The following ACBD3 variants were observed in gnomAD, a reference collection of about 807,000 sequenced individuals.
ACBD3 encodes Golgi resident protein GCP60.
A neutral mutation model predicts 66.9 loss-of-function variants in ACBD3; 30 were observed. That is an observed-to-expected ratio of 0.45 (90% CI 0.34 to 0.61). ACBD3 has a LOEUF of 0.61. ACBD3 is among the 20% of genes least tolerant of loss of function. The probability of loss-of-function intolerance (pLI) is 0.02; values close to 1 mark genes in which losing one functional copy is unlikely to be tolerated. For synonymous variants in ACBD3, 278 were observed against 259.8 expected (o/e 1.07, Z -0.68); for missense variants, 544 against 664.5 (o/e 0.82, Z 1.99).
At chr1:226,169,561 T>G in intron 1 of ACBD3, among the ~76,000 whole-genome samples, 1 of 98,258 alleles carries the variant, frequency 1.0e-5, no homozygotes, top group East Asian at 2.5e-4. Context: ...CCTGGCTATT[T>G]TTTTTTTTTT....
Position 226,164,936 on chromosome 1 carries a change from G to C in ACBD3, c.429-7C>G. The C allele has an allele frequency of 6.5e-7, 1 of 1,530,080 alleles. No homozygotes were observed. 94.8% of individuals were successfully genotyped at this position (1,530,080 alleles called of 1,614,324 possible). A position where few individuals can be genotyped will look rare whatever the true frequency, so the allele number is the denominator to read the frequency against. ...CAGGGCTGCCCATTCTCTCCTGTAA[G>C]GAATAACAAGAAAAGTTACCTCCCC... On this transcript the variant is annotated splice_region_variant and splice_polypyrimidine_tract_variant and intron_variant, in intron 2 of 7. Transcript: ENST00000366812.
intron 1 of ACBD3, among the ~76,000 whole-genome samples, chr1:226,172,977 C>G (rs935376526): frequency 6.6e-6 from 1 of 151,500 alleles, no homozygotes; most frequent in Non-Finnish European, 1.5e-5. Context: ...AACAAACAAA[C>G]AAACCCAGCT....
At position 226,152,511 on chromosome 1, in the gene ACBD3, C is replaced by T; in HGVS notation, c.1199G>A (p.Gly400Glu). Residue 400 changes from glycine to glutamate, a missense_variant, in exon 7 of 8, where the codon GGA (glycine) becomes GAA (glutamate). Transcript: ENST00000366812. ...GGGTACTCGAACAGTGACCACTTCT[C>T]CTCGGCCCACTGTAATCACGGAATC... ...DADSVITVGRGEVVTVRVPTH... is the reference protein window; with the variant it reads ...DADSVITVGREEVVTVRVPTH... 6.2e-7 allele frequency: 1 copy of T among 1,614,210 alleles called. No homozygotes were observed. The highest frequency in any genetic ancestry group is 8.5e-7 in the Non-Finnish European group (1 of 1,180,026).
rs1312825376 is a variant in ACBD3 at position 226,149,549 on chromosome 1, T to A, written c.1376-2728A>T. 2.4e-5 allele frequency among the ~76,000 whole-genome samples: 3 copies of A among 123,222 alleles called. 1 individual carries two copies. Among genetic ancestry groups the A allele is most frequent in the Non-Finnish European group, 5.1e-5 (3 of 58,986 alleles). The allele number at this position is 123,222 out of a possible 152,430, so 80.8% of individuals were successfully genotyped here. ...GCCATCTTTTTTTTTTTTTTTTTTTTTTTTTTTTTGAGATGGGGTCTGGCT... is the reference window on the plus strand; with the variant it reads ...GCCATCTTTTTTTTTTTTTTTTTTTATTTTTTTTTGAGATGGGGTCTGGCT... On this transcript the variant is annotated intron_variant, in intron 7 of 7. Transcript: ENST00000366812.
intron 3 of ACBD3, 56 bp downstream of exon 3, chr1:226,164,733 A>C: frequency 6.7e-7 from 1 of 1,499,576 alleles, no homozygotes; most frequent in Non-Finnish European, 8.9e-7. Flanking sequence ...ACAAAACAAA[A>C]GCATCAGTAC....
chr1:226,157,565 G>T (rs140797808), intron 5 of ACBD3, among the ~76,000 whole-genome samples: 6 of 151,888 alleles, frequency 4.0e-5, no homozygotes, highest in African/African-American at 1.4e-4. Context: ...CTCGAGACAG[G>T]GTCTCACTCT....
intron 1 of ACBD3, among the ~76,000 whole-genome samples, chr1:226,181,493 G>C (rs1173534640): frequency 6.6e-6 from 1 of 152,132 alleles, no homozygotes; most frequent in Non-Finnish European, 1.5e-5. Flanking sequence ...ATAATCAATA[G>C]CAATGCTAGT....
chr1:226,149,922 T>G (rs1360965848), intron 7 of ACBD3, among the ~76,000 whole-genome samples: 1 of 152,098 alleles, frequency 6.6e-6, no homozygotes. Flanking sequence ...CAGTCTGACT[T>G]TAATGAGTCC....
At position 226,161,146 on chromosome 1, in the gene ACBD3, C is replaced by CTTTTTTTTTTT. The variant is rs369852670; in HGVS notation, c.728+374_728+384dup. Reference sequence around the variant, plus strand: ...AACCCCCAAACCTTCTAATACATTCCTTTTTTTTTTTGAGACGGAGTTTCA... The same window carrying CTTTTTTTTTTT: ...AACCCCCAAACCTTCTAATACATTCCTTTTTTTTTTTTTTTTTTTTTTGAGACGGAGTTTCA... On this transcript the variant is annotated intron_variant, in intron 4 of 7. Coordinates refer to ENST00000366812, the MANE Select transcript of ACBD3 (RefSeq NM_022735.4). Among the ~76,000 whole-genome samples the CTTTTTTTTTTT allele has an allele frequency of 2.2e-4, 29 of 134,268 alleles. 2 individuals carry two copies. The highest frequency in any genetic ancestry group is 8.6e-4 in the East Asian group (4 of 4,674). 88.1% of individuals were successfully genotyped at this position (134,268 alleles called of 152,430 possible).
At chr1:226,175,763 C>G (rs1382517215) in intron 1 of ACBD3, among the ~76,000 whole-genome samples, 1 of 151,938 alleles carries the variant, frequency 6.6e-6, no homozygotes, top group Non-Finnish European at 1.5e-5. Flanking sequence ...GGAAAAACAC[C>G]AGAAAACAGG....
intron 2 of ACBD3, 62 bp from the exon 3 acceptor site, chr1:226,164,991 A>G (rs1256140472): frequency 3.5e-6 from 5 of 1,433,322 alleles, no homozygotes; most frequent in Non-Finnish European, 4.6e-6. Flanking sequence ...TTTTAAATTT[A>G]AACCTAAATA....
intron 5 of ACBD3, 54 bp from the exon 6 acceptor site, chr1:226,154,887 A>C: frequency 1.3e-6 from 2 of 1,502,350 alleles, no homozygotes; most frequent in Non-Finnish European, 1.8e-6. Context: ...AGCAAATAAG[A>C]CATCTGCCCT....
intron 1 of ACBD3, among the ~76,000 whole-genome samples, chr1:226,176,145 C>T (rs1289534856): frequency 6.6e-6 from 1 of 152,188 alleles, no homozygotes; most frequent in East Asian, 1.9e-4. Flanking sequence ...CAAAAGCTTG[C>T]GGCTGGGCGT....
intron 1 of ACBD3, among the ~76,000 whole-genome samples, chr1:226,169,857 A>T (rs946302059): frequency 1.3e-5 from 2 of 151,706 alleles, no homozygotes; most frequent in Non-Finnish European, 2.9e-5. Context: ...CCCTCTCTCT[A>T]CTAAAAATAC....
intron 1 of ACBD3, among the ~76,000 whole-genome samples, chr1:226,183,520 G>A (rs761450680): frequency 2.0e-5 from 3 of 152,000 alleles, no homozygotes; most frequent in Non-Finnish European, 4.4e-5. Context: ...TGAGATACTG[G>A]TATAAAACCA....
chr1:226,186,032 A>T (rs766796443), intron 1 of ACBD3, among the ~76,000 whole-genome samples: 23 of 152,338 alleles, frequency 1.5e-4, no homozygotes, highest in Middle Eastern at 3.4e-3. Context: ...TCAGTTAAAA[A>T]AATAATAATA....
At position 226,168,890 on chromosome 1, in the gene ACBD3, G is replaced by A. The variant is rs149025102; in HGVS notation, c.287-2890C>T. ...CACTTTTTATTTGAGACGGAGTCTC[G>A]CTCTGTTGCCCAGGCTGGAGTGCAG... On this transcript the variant is annotated intron_variant, in intron 1 of 7. Transcript: ENST00000366812. 1.1e-3 allele frequency among the ~76,000 whole-genome samples: 171 copies of A among 152,266 alleles called. 5 individuals carry two copies. The East Asian group carries it at 0.031, about 28-fold the overall frequency.
chr1:226,185,804 A>G (rs1272706008), intron 1 of ACBD3, among the ~76,000 whole-genome samples: 1 of 152,128 alleles, frequency 6.6e-6, no homozygotes, highest in Non-Finnish European at 1.5e-5. Flanking sequence ...ATCTCTCCTC[A>G]AGAGTTTGAC....
chr1:226,153,933 T>C (rs1056186094), intron 6 of ACBD3, among the ~76,000 whole-genome samples: 1 of 152,134 alleles, frequency 6.6e-6, no homozygotes, highest in Non-Finnish European at 1.5e-5. Context: ...CCACTTCTGC[T>C]AGGGGAAGCC....
Sources: allele counts gnomAD v4.1 joint callset (sites outside exome capture counted in the v4.1 genomes callset), GRCh38; gene constraint gnomAD v4.1.1; transcripts MANE v1.5; gene names NCBI Gene and HGNC (gene_info 2026-07-23, HGNC 2026-07-21).